KCNMA1: variants seen among roughly 807,000 people sequenced by gnomAD.
The protein encoded by KCNMA1 is Calcium-activated potassium channel subunit alpha-1.
In KCNMA1, 29 loss-of-function variants were observed where a neutral mutation model predicts 140.0. The observed-to-expected ratio is 0.21, with a 90% confidence interval of 0.15 to 0.28. The LOEUF is 0.28. Ranked by LOEUF, KCNMA1 falls within the 10% of genes least tolerant of loss-of-function variation. The pLI, the probability that KCNMA1 is intolerant of heterozygous loss-of-function variation, is 1.00. For synonymous variants in KCNMA1, 612 were observed against 611.9 expected, an observed-to-expected ratio of 1.00 and a Z score of 0.00; for missense variants, 880 against 1,602.2, an observed-to-expected ratio of 0.55 and a Z score of 7.70.
chr10:77,124,905 G>C (rs2097700256), intron 5 of KCNMA1, among the ~76,000 whole-genome samples: 1 of 152,168 alleles, frequency 6.6e-6, no homozygotes, highest in Non-Finnish European at 1.5e-5. Flanking sequence ...ATTCCACAGG[G>C]CTGGAGAAGC....
chr10:77,608,535 C>A (rs545640745), intron 1 of KCNMA1, among the ~76,000 whole-genome samples: 2 of 152,136 alleles, frequency 1.3e-5, no homozygotes, highest in African/African-American at 4.8e-5. Flanking sequence ...GGATGCACCC[C>A]CACACACACA....
intron 14 of KCNMA1, among the ~76,000 whole-genome samples, chr10:77,049,510 T>C (rs1234571488): frequency 6.6e-6 from 1 of 152,110 alleles, no homozygotes; most frequent in Non-Finnish European, 1.5e-5. Context: ...GGAATTCCAT[T>C]TCCGTATCGA....
intron 19 of KCNMA1, among the ~76,000 whole-genome samples, chr10:76,989,797 A>T (rs1215381953): frequency 3.7e-5 from 5 of 134,152 alleles, no homozygotes; most frequent in African/African-American, 1.4e-4. Context: ...GCTTGATGAC[A>T]GTCAGTCATT....
chr10:77,501,520 G>A (rs1329369077), intron 1 of KCNMA1, among the ~76,000 whole-genome samples: 3 of 152,194 alleles, frequency 2.0e-5, no homozygotes, highest in Non-Finnish European at 4.4e-5. Context: ...TCTCTGGCTG[G>A]AGCGGCCAGT....
chr10:77,081,807 T>C (rs1373320336), intron 12 of KCNMA1, among the ~76,000 whole-genome samples: 1 of 152,082 alleles, frequency 6.6e-6, no homozygotes, highest in Non-Finnish European at 1.5e-5. Context: ...TTCAAATGGA[T>C]CTTTGACATT....
chr10:77,566,366 G>A (rs1010201563), intron 1 of KCNMA1, among the ~76,000 whole-genome samples: 2 of 152,210 alleles, frequency 1.3e-5, no homozygotes, highest in Admixed American at 6.5e-5. Context: ...CTCGCCATGC[G>A]TGAATGCTGT....
chr10:77,565,909 C>T (rs527874669), intron 1 of KCNMA1, among the ~76,000 whole-genome samples: 1 of 152,260 alleles, frequency 6.6e-6, no homozygotes, highest in South Asian at 2.1e-4. Context: ...AGCCCTAACG[C>T]TCTCACCAGG....
intron 2 of KCNMA1, among the ~76,000 whole-genome samples, chr10:77,328,573 A>G (rs1214806026): frequency 6.6e-6 from 1 of 152,234 alleles, no homozygotes; most frequent in East Asian, 1.9e-4. Flanking sequence ...CTACTCAGAC[A>G]CCTTGGCCCC....
At chr10:77,051,819 T>C (rs1174453819) in intron 14 of KCNMA1, among the ~76,000 whole-genome samples, 1 of 152,024 alleles carries the variant, frequency 6.6e-6, no homozygotes, top group Non-Finnish European at 1.5e-5. Flanking sequence ...CACTAGTACC[T>C]ACCTCCTAGG....
chr10:76,961,628 G>A (rs1056980899), intron 20 of KCNMA1, among the ~76,000 whole-genome samples: 9 of 152,240 alleles, frequency 5.9e-5, no homozygotes, highest in South Asian at 2.1e-4. Flanking sequence ...AGAGTCAGTC[G>A]ATGCAGCAAT....
chr10:76,872,559 T>C (rs2151372565), downstream of KCNMA1: 1 of 152,302 alleles, frequency 6.6e-6, no homozygotes, highest in South Asian at 2.1e-4. Context: ...TGAAGTCTCA[T>C]CTCAGTTTTC....
chr10:77,442,225 C>A (rs980807691), intron 1 of KCNMA1, among the ~76,000 whole-genome samples: 1 of 152,180 alleles, frequency 6.6e-6, no homozygotes, highest in Admixed American at 6.5e-5. Context: ...CCACCCCATT[C>A]CCAGGCGAGA....
chr10:77,288,307 G>C (rs2071771349), intron 2 of KCNMA1, among the ~76,000 whole-genome samples: 1 of 152,234 alleles, frequency 6.6e-6, no homozygotes, highest in Non-Finnish European at 1.5e-5. Flanking sequence ...AGTGTGAAGA[G>C]ATTAAGGGTC....
At position 77,054,272 on chromosome 10, in the gene KCNMA1, C is replaced by T. The variant is rs1027736709; in HGVS notation, c.1750-14635G>A. Among the ~76,000 whole-genome samples the T allele has an allele frequency of 2.0e-5, 3 of 152,156 alleles. No homozygotes were observed. The East Asian group carries it at 5.8e-4, about 29-fold the overall frequency. ...ATACTCAACCACAGATAGAAATGTC[C>T]TTCTCATTGCCAAATTTTAGCCAAA... is the stretch of plus-strand genomic sequence containing the variant. On this transcript the variant is annotated intron_variant, in intron 14 of 27. Transcript: ENST00000286628.
At chr10:77,571,802 G>T (rs2071457330) in intron 1 of KCNMA1, among the ~76,000 whole-genome samples, 1 of 152,174 alleles carries the variant, frequency 6.6e-6, no homozygotes, top group African/African-American at 2.4e-5. Context: ...TTAGAGCCTA[G>T]ATCTGTGCTT....
chr10:77,553,847 G>T (rs1463913009), intron 1 of KCNMA1, among the ~76,000 whole-genome samples: 1 of 138,538 alleles, frequency 7.2e-6, no homozygotes, highest in Non-Finnish European at 1.5e-5. Context: ...GCTAGTAAAT[G>T]AGTAAACAGA....
At chr10:77,391,521 T>C (rs974373656) in intron 2 of KCNMA1, among the ~76,000 whole-genome samples, 7 of 152,230 alleles carry the variant, frequency 4.6e-5, no homozygotes, top group African/African-American at 1.7e-4. Flanking sequence ...CCTAGATCCC[T>C]CACTACTCAA....
chr10:76,965,517 T>C lies in KCNMA1; in HGVS notation c.2360+4457A>G, dbSNP rs1466841703. Among the ~76,000 whole-genome samples the C allele has an allele frequency of 2.0e-5, 3 of 152,278 alleles. No individual in the cohort carries two copies. In the East Asian group the frequency reaches 5.8e-4, roughly 29 times the overall value. On this transcript the variant is annotated intron_variant, in intron 20 of 27. Coordinates refer to ENST00000286628, the MANE Select transcript of KCNMA1 (RefSeq NM_001161352.2). The stretch of plus-strand genomic sequence containing the variant: ...TTAGGTTACCGCCTCCTCGAAAACC[T>C]TCAGGGGTTCCCTAATGCCTATGAC...
chr10:77,430,326 G>C (rs2097126377), intron 1 of KCNMA1, among the ~76,000 whole-genome samples: 1 of 152,086 alleles, frequency 6.6e-6, no homozygotes, highest in Admixed American at 6.6e-5. Flanking sequence ...TAAAATACAA[G>C]ATTTACTGAG....
Sources: allele counts gnomAD v4.1 joint callset (sites outside exome capture counted in the v4.1 genomes callset), GRCh38; gene constraint gnomAD v4.1.1; transcripts MANE v1.5; gene names NCBI Gene and HGNC (gene_info 2026-07-23, HGNC 2026-07-21).